ABTB2: variants seen among roughly 807,000 people sequenced by gnomAD.
ABTB2 encodes the protein ankyrin repeat and BTB/POZ domain-containing protein 2.
In ABTB2, 56 loss-of-function variants were observed where a neutral mutation model predicts 104.1. That is an observed-to-expected ratio of 0.54 (90% CI 0.43 to 0.67). ABTB2 has a LOEUF of 0.67. Among genes scored for constraint, ABTB2 ranks in the 30% least tolerant of loss-of-function variants. ABTB2 has a pLI of 0.00. For missense variants in ABTB2, 1,279 were observed against 1,407.7 expected (o/e 0.91, Z 1.46); for synonymous variants, 606 against 608.2 (o/e 1.00, Z 0.05).
At chr11:34,325,716 T>G (rs1855061319) in intron 1 of ABTB2, among the ~76,000 whole-genome samples, 1 of 152,136 alleles carries the variant, frequency 6.6e-6, no homozygotes, top group Non-Finnish European at 1.5e-5. Context: ...TTTGGGAGAT[T>G]GAGGCAGGCA....
Position 34,317,678 on chromosome 11 carries a change from C to T in ABTB2, c.883+39023G>A, listed in dbSNP as rs376656170. 3.0e-3 allele frequency among the ~76,000 whole-genome samples: 448 copies of T among 149,804 alleles called. 6 individuals are homozygous for T. The South Asian group carries it at 0.037, about 12-fold the overall frequency. ...TTGAGAGGATGAGGTGGGAGGATCA[C>T]TTGAGCCTGGGAGGCGGAGGTTGCA... On this transcript the variant is annotated intron_variant, in intron 1 of 16. Transcript: ENST00000435224.
intron 1 of ABTB2, among the ~76,000 whole-genome samples, chr11:34,314,187 G>A (rs1854895584): frequency 6.6e-6 from 1 of 152,202 alleles, no homozygotes; most frequent in Non-Finnish European, 1.5e-5. Context: ...ACCCTCGAGG[G>A]TCATGTGGAA....
intron 1 of ABTB2, among the ~76,000 whole-genome samples, chr11:34,305,056 T>C (rs1854754575): frequency 6.6e-6 from 1 of 152,240 alleles, no homozygotes; most frequent in Admixed American, 6.5e-5. Flanking sequence ...CTCAGAGCAG[T>C]GTCTGCTTCT....
intron 14 of ABTB2, among the ~76,000 whole-genome samples, chr11:34,156,555 C>T (rs1479845133): frequency 1.3e-5 from 2 of 150,620 alleles, no homozygotes; most frequent in Non-Finnish European, 2.9e-5. Context: ...CAGAGTTTCG[C>T]TCTTGTCGCC....
chr11:34,197,240 C>T, intron 3 of ABTB2, 85 bp downstream of exon 3: 1 of 1,452,852 alleles, frequency 6.9e-7, no homozygotes, highest in Non-Finnish European at 9.6e-7. Flanking sequence ...CCCTGTTGGT[C>T]AGTCGTCAGT....
At chr11:34,215,712 T>C (rs540534907) in intron 1 of ABTB2, among the ~76,000 whole-genome samples, 28 of 152,334 alleles carry the variant, frequency 1.8e-4, no homozygotes, top group African/African-American at 6.5e-4. Flanking sequence ...ATTCACAAGA[T>C]TGAGCATTAA....
chr11:34,274,560 T>TAC (rs3830969), intron 1 of ABTB2, among the ~76,000 whole-genome samples: 70,735 of 146,202 alleles, frequency 0.48, 18,133 homozygotes, highest in Middle Eastern at 0.7. Context: ...GATTGGAATA[T>TAC]ACACACACAC....
At chr11:34,240,417 C>T (rs967270917) in intron 1 of ABTB2, among the ~76,000 whole-genome samples, 55 of 152,344 alleles carry the variant, frequency 3.6e-4, no homozygotes, top group Non-Finnish European at 6.2e-4. Flanking sequence ...CCCCAAGAAA[C>T]GGCTTTGCTT....
At chr11:34,313,982 G>A (rs1350148410) in intron 1 of ABTB2, among the ~76,000 whole-genome samples, 3 of 152,284 alleles carry the variant, frequency 2.0e-5, no homozygotes, top group East Asian at 1.9e-4. Flanking sequence ...GCTCCCACAC[G>A]GTCCTAGGGT....
intron 1 of ABTB2, among the ~76,000 whole-genome samples, chr11:34,328,475 C>T (rs1321103015): frequency 6.6e-6 from 1 of 152,190 alleles, no homozygotes; most frequent in Non-Finnish European, 1.5e-5. Flanking sequence ...TTGAGGAGAA[C>T]AGTATCTGCC....
At chr11:34,248,088 A>ATTTTTTTTTTTTTTTT (rs377220875) in intron 1 of ABTB2, among the ~76,000 whole-genome samples, 45 of 78,368 alleles carry the variant, frequency 5.7e-4, no homozygotes, top group South Asian at 8.0e-4. Context: ...CTTATCTATA[A>ATTTTTTTTTTTTTTTT]TTTTTCTTAA....
At chr11:34,322,366 A>G (rs981475573) in intron 1 of ABTB2, among the ~76,000 whole-genome samples, 2 of 152,188 alleles carry the variant, frequency 1.3e-5, no homozygotes, top group African/African-American at 4.8e-5. Flanking sequence ...ACTTGAGGTC[A>G]GGAGTTCGAG....
intron 1 of ABTB2, among the ~76,000 whole-genome samples, chr11:34,248,488 C>T (rs765109285): frequency 3.9e-5 from 6 of 152,144 alleles, no homozygotes; most frequent in African/African-American, 4.8e-5. Context: ...ACTTCATTTC[C>T]ATTCTACATT....
intron 1 of ABTB2, among the ~76,000 whole-genome samples, chr11:34,324,554 A>G (rs1590256594): frequency 6.6e-6 from 1 of 151,926 alleles, no homozygotes; most frequent in Non-Finnish European, 1.5e-5. Flanking sequence ...CCTAGGGTCC[A>G]CTCCTGCCTC....
At position 34,356,134 on chromosome 11, in the gene ABTB2, T is replaced by A. The variant is rs936023696; in HGVS notation, c.883+567A>T. ...GTAAGAGCGAACCACTACCCCTCCA[T>A]CCCCCAAGAGAGCGCCTGACAGCAT... On this transcript the variant is annotated intron_variant, in intron 1 of 16. Transcript: ENST00000435224. This position sits in a 1 kb window ranked among gnomAD's most constrained non-coding sequence, Gnocchi z 4.6. 6.6e-6 allele frequency among the ~76,000 whole-genome samples: 1 copy of A among 151,886 alleles called. No homozygotes were observed. Among genetic ancestry groups the A allele is most frequent in the Non-Finnish European group, 1.5e-5 (1 of 67,978 alleles).
At chr11:34,192,312 T>C (rs148170407) in intron 3 of ABTB2, among the ~76,000 whole-genome samples, 1 of 152,222 alleles carries the variant, frequency 6.6e-6, no homozygotes, top group East Asian at 1.9e-4. Context: ...CCCCCAAATA[T>C]GTTAACTCAT....
chr11:34,351,817 G>C (rs1037508022), intron 1 of ABTB2, among the ~76,000 whole-genome samples: 6 of 152,228 alleles, frequency 3.9e-5, no homozygotes, highest in African/African-American at 1.4e-4. Flanking sequence ...ACATCACAAA[G>C]GGGTGGCTCT....
intron 4 of ABTB2, among the ~76,000 whole-genome samples, chr11:34,171,568 T>G (rs1852874203): frequency 6.6e-6 from 1 of 151,492 alleles, no homozygotes. Context: ...AGCAAGACTC[T>G]GTCTCAATCA....
At chr11:34,281,948 C>T (rs570610159) in intron 1 of ABTB2, among the ~76,000 whole-genome samples, 2 of 152,290 alleles carry the variant, frequency 1.3e-5, no homozygotes, top group Admixed American at 6.5e-5. Flanking sequence ...TAGTAATAGG[C>T]GATGGATTAC....
Sources: gnomAD v4.1 joint callset for allele counts (sites outside exome capture counted in the v4.1 genomes callset) on GRCh38, gnomAD v4.1.1 for gene constraint, Gnocchi (gnomAD v3.1) non-coding constraint, MANE v1.5 for transcripts, NCBI Gene and HGNC (gene_info 2026-07-23, HGNC 2026-07-21) for gene names.